LINGO2: variants seen among roughly 807,000 people sequenced by gnomAD.
LINGO2 encodes leucine-rich repeat and immunoglobulin-like domain-containing nogo receptor-interacting protein 2.
In LINGO2, 14 loss-of-function variants were observed where a neutral mutation model predicts 30.6. The ratio of observed to expected loss-of-function variants is 0.46; its 90% CI spans 0.30 to 0.72. LINGO2 has a LOEUF of 0.72. Among genes scored for constraint, LINGO2 ranks in the 30% least tolerant of loss-of-function variants. The pLI is 0.07. For missense variants in LINGO2, 729 were observed against 751.7 expected (o/e 0.97, Z 0.35); for synonymous variants, 317 against 288.5 (o/e 1.10, Z -1.00).
chr9:28,803,431 T>C, the LINGO2 span, among the ~76,000 whole-genome samples: 1 of 151,908 alleles, frequency 6.6e-6, no homozygotes, highest in Non-Finnish European at 1.5e-5. Context: ...GTTTTCTATT[T>C]CATATTAAAA....
chr9:29,116,126 A>T, the LINGO2 span, among the ~76,000 whole-genome samples: 1 of 141,248 alleles, frequency 7.1e-6, no homozygotes, highest in African/African-American at 2.7e-5. Context: ...ATATGATTTA[A>T]TCATTATGGA....
At chr9:29,076,346 C>T in the LINGO2 span, among the ~76,000 whole-genome samples, 1 of 151,778 alleles carries the variant, frequency 6.6e-6, no homozygotes, top group Non-Finnish European at 1.5e-5. Flanking sequence ...TTTAGCCTTT[C>T]TTCAGCAGCA....
chr9:28,695,353 CAA>C, the LINGO2 span, among the ~76,000 whole-genome samples: 11 of 151,854 alleles, frequency 7.2e-5, no homozygotes, highest in African/African-American at 2.7e-4. Flanking sequence ...CCAGTTTGGT[CAA>C]AGAGGCAGGA....
chr9:29,107,628 G>GA, the LINGO2 span, among the ~76,000 whole-genome samples: 5 of 151,748 alleles, frequency 3.3e-5, no homozygotes, highest in Admixed American at 6.6e-5. Context: ...TTTATATTTA[G>GA]AAAAAAATGT....
At chr9:28,629,386 T>TTTC in intron 1 of LINGO2, among the ~76,000 whole-genome samples, 1 of 152,252 alleles carries the variant, frequency 6.6e-6, no homozygotes, top group South Asian at 2.1e-4. Flanking sequence ...TAGAAATTCC[T>TTTC]TTCTTCTTCC....
the LINGO2 span, among the ~76,000 whole-genome samples, chr9:28,955,516 T>C: frequency 2.9e-4 from 44 of 152,178 alleles, no homozygotes; most frequent in African/African-American, 9.1e-4. Context: ...TGGAAGAAGA[T>C]AGACCTAGGA....
the LINGO2 span, among the ~76,000 whole-genome samples, chr9:28,935,704 T>TAA: frequency 1.3e-5 from 2 of 151,508 alleles, no homozygotes; most frequent in South Asian, 2.1e-4. Context: ...GTTCTTTTTT[T>TAA]AAAAAAACAA....
intron 3 of LINGO2, among the ~76,000 whole-genome samples, chr9:28,339,212 T>A (rs1825686420): frequency 2.1e-5 from 2 of 93,900 alleles, no homozygotes; most frequent in Non-Finnish European, 3.0e-5. Flanking sequence ...CAAATAAAAT[T>A]AATGGATTAT....
intron 4 of LINGO2, among the ~76,000 whole-genome samples, chr9:28,230,180 T>G (rs1821307715): frequency 6.6e-6 from 1 of 151,784 alleles, no homozygotes; most frequent in Non-Finnish European, 1.5e-5. Context: ...ACAAATTCAA[T>G]GAAAGGATAA....
the LINGO2 span, among the ~76,000 whole-genome samples, chr9:29,028,969 C>T: frequency 6.6e-6 from 1 of 151,968 alleles, no homozygotes; most frequent in African/African-American, 2.4e-5. Flanking sequence ...GTTTGCTACA[C>T]AGTAATAGCT....
At chr9:27,939,048 T>G in the LINGO2 span, 10 of 152,192 alleles carry the variant, frequency 6.6e-5, no homozygotes, top group Non-Finnish European at 1.0e-4. Context: ...AAAATGATTT[T>G]CAATATAGAA....
At chr9:27,960,548 A>G (rs140447305) in intron 5 of LINGO2, among the ~76,000 whole-genome samples, 492 of 151,308 alleles carry the variant, frequency 3.3e-3, no homozygotes, top group African/African-American at 0.011. Context: ...AACACACAAA[A>G]TGTGGCGTGA....
chr9:28,723,801 C>T, the LINGO2 span, among the ~76,000 whole-genome samples: 10 of 152,010 alleles, frequency 6.6e-5, no homozygotes, highest in East Asian at 1.7e-3. Flanking sequence ...AGGTATGTTG[C>T]AATTGGTCAT....
At chr9:28,713,831 C>T in the LINGO2 span, among the ~76,000 whole-genome samples, 1 of 151,972 alleles carries the variant, frequency 6.6e-6, no homozygotes, top group Non-Finnish European at 1.5e-5. Flanking sequence ...TACTGTCTTA[C>T]TATGCTGTGA....
At chr9:28,443,078 T>A (rs1824263250) in intron 2 of LINGO2, among the ~76,000 whole-genome samples, 1 of 152,152 alleles carries the variant, frequency 6.6e-6, no homozygotes, top group Admixed American at 6.5e-5. Context: ...TTATATAGAC[T>A]ATGGCATGTG....
rs141197652 is a variant in LINGO2 at position 28,311,111 on chromosome 9, G to A, written c.-245-15745C>T. On this transcript the variant is annotated intron_variant, in intron 3 of 5. Coordinates refer to ENST00000379992, the Ensembl canonical transcript of LINGO2. ...AGAGAAATTTTAAAGCTGGATGTCCGGGGGAGACATCACATGTCAGCAGGT... is the reference window on the plus strand; with the variant it reads ...AGAGAAATTTTAAAGCTGGATGTCCAGGGGAGACATCACATGTCAGCAGGT... Among the ~76,000 whole-genome samples, 560 of 152,124 alleles carry A rather than the reference G, an allele frequency of 3.7e-3. 5 individuals carry two copies. Among genetic ancestry groups the A allele is most frequent in the African/African-American group, 0.013 (530 of 41,484 alleles).
intron 1 of LINGO2, among the ~76,000 whole-genome samples, chr9:28,569,850 G>A (rs1254865962): frequency 6.6e-6 from 1 of 151,894 alleles, no homozygotes; most frequent in African/African-American, 2.4e-5. Context: ...CTTGATTGTG[G>A]TAATCATTTC....
chr9:28,907,150 G>T, the LINGO2 span, among the ~76,000 whole-genome samples: 1 of 151,946 alleles, frequency 6.6e-6, no homozygotes, highest in East Asian at 1.9e-4. Flanking sequence ...GTATATCATG[G>T]TAATCAGACC....
At chr9:28,617,302 CT>C (rs5897312) in intron 1 of LINGO2, among the ~76,000 whole-genome samples, 7 of 147,146 alleles carry the variant, frequency 4.8e-5, no homozygotes, top group African/African-American at 7.6e-5. Context: ...CTTTTCTTTT[CT>C]TTTTTTTTTC....
Sources: allele counts gnomAD v4.1 joint callset (sites outside exome capture counted in the v4.1 genomes callset), GRCh38; gene constraint gnomAD v4.1.1; transcripts MANE v1.5; gene names NCBI Gene and HGNC (gene_info 2026-07-23, HGNC 2026-07-21).